The following FHIT variants were observed in gnomAD, a reference collection of about 807,000 sequenced individuals.
FHIT encodes fragile histidine triad diadenosine triphosphatase.
Under a neutral mutation model 17.9 loss-of-function variants are expected in FHIT, and 19 were observed. That is an observed-to-expected ratio of 1.06 (90% confidence interval 0.74 to 1.56). The LOEUF (loss-of-function observed/expected upper bound fraction) is 1.56, where lower values mean the gene tolerates loss of function less well. FHIT is among the 40% of genes most tolerant of loss of function. The probability of loss-of-function intolerance (pLI) is 0.00; values close to 1 mark genes in which losing one functional copy is unlikely to be tolerated. For synonymous variants in FHIT, 81 were observed against 69.7 expected (o/e 1.16, Z -0.81); for missense variants, 248 against 189.2 (o/e 1.31, Z -1.82).
In FHIT at chr3:60,331,280, T is replaced by C. The variant is rs370699703; in HGVS notation, c.103+205580A>G. Among the ~76,000 whole-genome samples the C allele has an allele frequency of 1.4e-4, 21 of 151,770 alleles. No individual in the cohort carries two copies. The East Asian group carries it at 4.1e-3, about 29-fold the overall frequency. On this transcript the variant is annotated intron_variant, in intron 5 of 9. Transcript: ENST00000492590. Reference sequence around the variant, plus strand: ...TGCACCTCTCAGTGCCCTTTCCTGATTTTTTTTTCCATTCTTTCCATGGGT... The same window carrying C: ...TGCACCTCTCAGTGCCCTTTCCTGACTTTTTTTTCCATTCTTTCCATGGGT...
chr3:61,044,510 G>A (rs1180297230), intron 2 of FHIT, among the ~76,000 whole-genome samples: 2 of 152,040 alleles, frequency 1.3e-5, no homozygotes, highest in Admixed American at 6.6e-5. Flanking sequence ...CATCTGATTG[G>A]TGTACCTGAA....
chr3:60,955,617 T>TATACATATATATATAC (rs1709103652), intron 3 of FHIT, among the ~76,000 whole-genome samples: 1 of 13,874 alleles, frequency 7.2e-5, no homozygotes, highest in Non-Finnish European at 2.4e-4. Context: ...TATATATATA[T>TATACATATATATATAC]ATATATATAT....
chr3:60,963,847 C>T (rs1246555279), intron 3 of FHIT, among the ~76,000 whole-genome samples: 2 of 152,158 alleles, frequency 1.3e-5, no homozygotes, highest in South Asian at 2.1e-4. Context: ...TGCTTTACTT[C>T]CGACTATGTG....
chr3:61,098,899 A>G (rs1359825186), intron 2 of FHIT, among the ~76,000 whole-genome samples: 1 of 151,780 alleles, frequency 6.6e-6, no homozygotes. Context: ...CCTGCATTTG[A>G]ATGCACTTTA....
At chr3:60,718,848 C>T (rs1454081812) in intron 4 of FHIT, among the ~76,000 whole-genome samples, 4 of 152,134 alleles carry the variant, frequency 2.6e-5, no homozygotes, top group Non-Finnish European at 4.4e-5. Flanking sequence ...TACTAATGTG[C>T]ATTACACCTC....
chr3:60,466,830 T>G lies in FHIT; in HGVS notation c.103+70030A>C, dbSNP rs34291859. Among the ~76,000 whole-genome samples, 934 of 151,752 alleles carry G rather than the reference T, an allele frequency of 6.2e-3. 14 individuals carry two copies. The highest frequency in any genetic ancestry group is 0.021 in the African/African-American group (879 of 41,456). On this transcript the variant is annotated intron_variant, in intron 5 of 9. Coordinates refer to ENST00000492590, the MANE Select transcript of FHIT (RefSeq NM_002012.4). ...CAGGGTTACTTGCCTGCAGTTTTTT[T>G]TTTTTTTTTTTAATGTGCCTTTGTC...
intron 5 of FHIT, among the ~76,000 whole-genome samples, chr3:60,431,039 C>A (rs1377408024): frequency 1.3e-5 from 2 of 151,996 alleles, no homozygotes; most frequent in African/African-American, 4.8e-5. Flanking sequence ...TGGTGAAACC[C>A]TGTCTCTACT....
chr3:60,065,593 T>A (rs1371709874), intron 5 of FHIT, among the ~76,000 whole-genome samples: 3 of 152,188 alleles, frequency 2.0e-5, no homozygotes, highest in Non-Finnish European at 4.4e-5. Context: ...GGCAAGCCCT[T>A]TGTTTTACAC....
At chr3:60,592,266 C>CTATA (rs1247828666) in intron 4 of FHIT, among the ~76,000 whole-genome samples, 2 of 142,254 alleles carry the variant, frequency 1.4e-5, no homozygotes, top group African/African-American at 5.0e-5. Context: ...TATACTCTCT[C>CTATA]TCTATATATA....
At chr3:59,915,570 G>C (rs553255327) in intron 8 of FHIT, among the ~76,000 whole-genome samples, 2 of 152,116 alleles carry the variant, frequency 1.3e-5, no homozygotes, top group African/African-American at 2.4e-5. Flanking sequence ...ATGACTTCAT[G>C]ATCTTCCTTG....
At chr3:61,048,895 T>C (rs9852481) in intron 2 of FHIT, among the ~76,000 whole-genome samples, 19,531 of 151,912 alleles carry the variant, frequency 0.13, 1,309 homozygotes, top group South Asian at 0.17. Flanking sequence ...AAAAACCGCA[T>C]GTTCTCACTC....
At chr3:61,215,548 TCA>T in intron 1 of FHIT, among the ~76,000 whole-genome samples, 1 of 152,038 alleles carries the variant, frequency 6.6e-6, no homozygotes, top group African/African-American at 2.4e-5. Flanking sequence ...AGAATCAATA[TCA>T]TGAAAATGGC....
intron 4 of FHIT, among the ~76,000 whole-genome samples, chr3:60,724,382 T>G (rs1559671922): frequency 6.6e-6 from 1 of 152,214 alleles, no homozygotes; most frequent in Non-Finnish European, 1.5e-5. Flanking sequence ...CATTCATCAG[T>G]AAATGGAACT....
chr3:60,564,290 C>G (rs982728305), intron 4 of FHIT, among the ~76,000 whole-genome samples: 1 of 152,170 alleles, frequency 6.6e-6, no homozygotes, highest in African/African-American at 2.4e-5. Flanking sequence ...CCAAATATTA[C>G]TGCTTACTGA....
intron 3 of FHIT, among the ~76,000 whole-genome samples, chr3:61,032,855 T>C (rs572899930): frequency 6.6e-6 from 1 of 152,320 alleles, no homozygotes; most frequent in East Asian, 1.9e-4. Flanking sequence ...ATCTGCAAGC[T>C]GGAGGCCCAG....
chr3:60,716,523 C>T (rs1464474589), intron 4 of FHIT, among the ~76,000 whole-genome samples: 3 of 152,108 alleles, frequency 2.0e-5, no homozygotes, highest in Admixed American at 2.0e-4. Context: ...TCTTCAGGGG[C>T]AGTAACAGGC....
At chr3:60,647,549 C>G (rs2039890218) in intron 4 of FHIT, among the ~76,000 whole-genome samples, 1 of 152,130 alleles carries the variant, frequency 6.6e-6, no homozygotes, top group African/African-American at 2.4e-5. Context: ...TTGTCCTCTC[C>G]TCTGCCCCTT....
chr3:59,935,209 T>C (rs907710584), intron 7 of FHIT, among the ~76,000 whole-genome samples: 1 of 152,166 alleles, frequency 6.6e-6, no homozygotes, highest in Non-Finnish European at 1.5e-5. Flanking sequence ...TGAAAACGTA[T>C]GAAAGTTTCA....
intron 4 of FHIT, among the ~76,000 whole-genome samples, chr3:60,804,458 C>G (rs1194130932): frequency 6.6e-6 from 1 of 152,198 alleles, no homozygotes; most frequent in African/African-American, 2.4e-5. Flanking sequence ...AATCCCAGCT[C>G]CACCATTCAT....
Sources: gnomAD v4.1 joint callset for allele counts (sites outside exome capture counted in the v4.1 genomes callset) on GRCh38, gnomAD v4.1.1 for gene constraint, MANE v1.5 for transcripts, NCBI Gene and HGNC (gene_info 2026-07-23, HGNC 2026-07-21) for gene names.